FNIP1: variants seen among roughly 807,000 people sequenced by gnomAD.
FNIP1 encodes folliculin-interacting protein 1.
FNIP1 carries 40 observed loss-of-function variants against 124.5 expected under a neutral mutation model. That is an observed-to-expected ratio of 0.32 (90% CI 0.25 to 0.42). The LOEUF (loss-of-function observed/expected upper bound fraction) is 0.42. Ranked by LOEUF, FNIP1 falls within the 10% of genes least tolerant of loss-of-function variation. The pLI, the probability that FNIP1 is intolerant of heterozygous loss-of-function variation, is 1.00. For missense variants in FNIP1, 1,176 were observed against 1,403.7 expected (o/e 0.84, Z 2.59); for synonymous variants, 472 against 470.6 (o/e 1.00, Z -0.04).
intron 1 of FNIP1, among the ~76,000 whole-genome samples, chr5:131,788,451 C>T (rs1032583602): frequency 1.3e-5 from 2 of 152,090 alleles, no homozygotes; most frequent in Admixed American, 1.3e-4. Context: ...GGCAGATCAC[C>T]TGAGGTCAGG....
chr5:131,667,302 A>G (rs1767631068), intron 15 of FNIP1, among the ~76,000 whole-genome samples: 1 of 152,222 alleles, frequency 6.6e-6, no homozygotes, highest in Non-Finnish European at 1.5e-5. Context: ...ACAGTAGGTC[A>G]ATAAATATTT....
chr5:131,789,221 T>C (rs1054216300), intron 1 of FNIP1, among the ~76,000 whole-genome samples: 5 of 152,146 alleles, frequency 3.3e-5, no homozygotes, highest in Non-Finnish European at 7.4e-5. Context: ...GTTGATCTCA[T>C]AGAAGTAGAG....
At chr5:131,706,370 GA>G in intron 9 of FNIP1, 40 bp downstream of exon 9, 1 of 1,505,626 alleles carries the variant, frequency 6.6e-7, no homozygotes, top group Non-Finnish European at 8.9e-7. Context: ...TGTGTTTAAG[GA>G]ACTACTCAAT....
intron 3 of FNIP1, 59 bp from the exon 4 acceptor site, chr5:131,719,476 A>G: frequency 6.9e-7 from 1 of 1,457,022 alleles, no homozygotes; most frequent in African/African-American, 1.4e-5. Flanking sequence ...ACTATTTCAT[A>G]TGTTGATTTT....
intron 11 of FNIP1, among the ~76,000 whole-genome samples, chr5:131,685,221 T>C (rs1341701875): frequency 6.6e-6 from 1 of 151,986 alleles, no homozygotes. Context: ...AGTAACCCCA[T>C]TATACAACAT....
chr5:131,781,396 T>C (rs944204703), intron 1 of FNIP1, among the ~76,000 whole-genome samples: 15 of 152,234 alleles, frequency 9.9e-5, no homozygotes, highest in Admixed American at 8.5e-4. Context: ...AGGACTTCCA[T>C]AGCCAGACAG....
intron 1 of FNIP1, among the ~76,000 whole-genome samples, chr5:131,789,501 C>A (rs1772327875): frequency 6.6e-6 from 1 of 152,072 alleles, no homozygotes; most frequent in Non-Finnish European, 1.5e-5. Context: ...AATATTTATC[C>A]TATAGAAATA....
rs552324215 is a variant in FNIP1, at chr5:131,691,945, T to G, written c.1202+6972A>C. The stretch of plus-strand genomic sequence containing the variant: ...GACTGGATGTTTTTTTTCCTATGAC[T>G]GGGAGCAAGGTCAAGATGTGTCCTC... On this transcript the variant is annotated intron_variant, in intron 11 of 17. Coordinates refer to ENST00000510461, the MANE Select transcript of FNIP1 (RefSeq NM_133372.3). Among the ~76,000 whole-genome samples, 6 of 152,188 alleles carry G rather than the reference T, an allele frequency of 3.9e-5. No individual in the cohort carries two copies. The East Asian group carries it at 1.2e-3, about 29-fold the overall frequency.
chr5:131,783,642 T>C lies in FNIP1; in HGVS notation c.92+13188A>G, dbSNP rs567124371. Among the ~76,000 whole-genome samples the C allele has an allele frequency of 9.9e-4, 150 of 151,698 alleles. No individual in the cohort carries two copies. The Middle Eastern group carries it at 0.014, about 14-fold the overall frequency. ...TAAAAAACAAAAATAAACAAAATCA[T>C]GAGGTACATCACTGAAATTTCAGAA... On this transcript the variant is annotated intron_variant, in intron 1 of 17. Coordinates refer to ENST00000510461, the MANE Select transcript of FNIP1 (RefSeq NM_133372.3).
intron 15 of FNIP1, among the ~76,000 whole-genome samples, chr5:131,658,522 G>A (rs1262110421): frequency 6.6e-6 from 1 of 151,974 alleles, no homozygotes; most frequent in African/African-American, 2.4e-5. Flanking sequence ...CTCCAAGGGT[G>A]ACCAAAAGCC....
At chr5:131,685,803 T>TA (rs5871433) in intron 11 of FNIP1, among the ~76,000 whole-genome samples, 131,901 of 149,090 alleles carry the variant, frequency 0.88, 58,469 homozygotes, top group Middle Eastern at 0.96. Context: ...TCACTCCAGT[T>TA]AAAAAAAAAA....
At chr5:131,764,987 T>C (rs75231456) in intron 1 of FNIP1, among the ~76,000 whole-genome samples, 4 of 151,848 alleles carry the variant, frequency 2.6e-5, no homozygotes, top group Admixed American at 1.3e-4. Flanking sequence ...ATTTGGGAGG[T>C]TGAGACAGGA....
intron 1 of FNIP1, among the ~76,000 whole-genome samples, chr5:131,788,049 A>C (rs6875504): frequency 0.78 from 118,252 of 151,992 alleles, 46,175 homozygotes; most frequent in Middle Eastern, 0.83. Context: ...AAAGTAATGG[A>C]AAAGTTTCAA....
At position 131,709,234 on chromosome 5, in the gene FNIP1, T is replaced by C. The variant is rs202099819; in HGVS notation, c.745A>G (p.Asn249Asp). 1.9e-5 allele frequency: 30 copies of C among 1,613,934 alleles called. No homozygotes were observed. The Admixed American group carries it at 2.8e-4, about 15-fold the overall frequency. ...GCTATGCCACTGTCTCTGTCCTCAT[T>C]GAGCTCTCTTCCAGGCATGTCCATT... ...NPMDMPGRELNEDRDSGIARS... is the reference protein window; with the variant it reads ...NPMDMPGRELDEDRDSGIARS... Residue 249 changes from asparagine to aspartate, a missense_variant, in exon 8 of 18, where the codon AAT (asparagine) becomes GAT (aspartate). By Grantham distance (23) the Asn-to-Asp change is conservative. Around this residue, in one of 2 missense-constraint regions of FNIP1, gnomAD observed 1,109 missense variants for 1,288.5 expected, o/e 0.86. Coordinates refer to ENST00000510461, the MANE Select transcript of FNIP1 (RefSeq NM_133372.3).
In FNIP1 at chr5:131,672,681, A is replaced by G; in HGVS notation, c.1763T>C (p.Met588Thr). ...IEESEYVLVT[M>T]HRNKSSLLFK... is the part of the protein sequence containing the mutation. ...GAGCAAACTGCTTTTGTTTCTATGC[A>G]TTGTGACAAGGACATACTCTGATTC... The change falls in exon 14 of 18, where the codon ATG (methionine) becomes ACG (threonine). Residue 588 changes from methionine (M) to threonine (T), a missense_variant. Physicochemically the swap from Met to Thr is moderately conservative, Grantham distance 81. Around this residue, in one of 2 missense-constraint regions of FNIP1, gnomAD observed 1,109 missense variants for 1,288.5 expected, o/e 0.86. Coordinates refer to ENST00000510461, the MANE Select transcript of FNIP1 (RefSeq NM_133372.3). 1 of 1,614,174 alleles carries G rather than the reference A, an allele frequency of 6.2e-7. No homozygotes were observed. Among genetic ancestry groups the G allele is most frequent in the East Asian group, 2.2e-5 (1 of 44,876 alleles).
chr5:131,701,504 T>A (rs777287701), intron 10 of FNIP1, among the ~76,000 whole-genome samples: 3 of 152,196 alleles, frequency 2.0e-5, no homozygotes, highest in Non-Finnish European at 4.4e-5. Context: ...ATTGAAGAAA[T>A]GTAATCAGTG....
intron 6 of FNIP1, among the ~76,000 whole-genome samples, chr5:131,711,460 G>A (rs991760455): frequency 6.6e-6 from 1 of 152,198 alleles, no homozygotes; most frequent in African/African-American, 2.4e-5. Flanking sequence ...GATGGAATAC[G>A]GGGCTTTCTG....
At position 131,690,119 on chromosome 5, in the gene FNIP1, A is replaced by T. The variant is rs368663330; in HGVS notation, c.1202+8798T>A. On this transcript the variant is annotated intron_variant, in intron 11 of 17. Transcript: ENST00000510461. ...GTGCCTGGAGTCCCAGCTACTCAGG[A>T]GGCTGAGGCAGGAGAATGGTGTGAA... Among the ~76,000 whole-genome samples, 58 of 152,238 alleles carry T rather than the reference A, an allele frequency of 3.8e-4. No homozygotes were observed. In the East Asian group the frequency reaches 9.4e-3, roughly 25 times the overall value.
intron 1 of FNIP1, among the ~76,000 whole-genome samples, chr5:131,775,603 A>G (rs1358235329): frequency 6.7e-6 from 1 of 150,288 alleles, no homozygotes; most frequent in Non-Finnish European, 1.5e-5. Context: ...TCTCGGCTCA[A>G]TGCAACCTCT....
Sources: gnomAD v4.1 joint callset for allele counts (sites outside exome capture counted in the v4.1 genomes callset) on GRCh38, gnomAD v4.1.1 for gene constraint, gnomAD v4.1.1 regional missense constraint, MANE v1.5 for transcripts, NCBI Gene and HGNC (gene_info 2026-07-23, HGNC 2026-07-21) for gene names.